Variants in CADPS2 observed in about 807,000 individuals in gnomAD.
CADPS2 encodes the protein calcium-dependent secretion activator 2.
CADPS2 carries 93 observed loss-of-function variants against 172.5 expected under a neutral mutation model. The observed-to-expected ratio is 0.54, with a 90% CI of 0.46 to 0.64. CADPS2 has a LOEUF of 0.64. CADPS2 is among the 30% of genes least tolerant of loss of function. The probability of loss-of-function intolerance (pLI) is 0.00; values close to 1 mark genes in which losing one functional copy is unlikely to be tolerated. For missense variants in CADPS2, 1,420 were observed against 1,565.9 expected (o/e 0.91, Z 1.57); for synonymous variants, 546 against 555.2 (o/e 0.98, Z 0.23).
At chr7:122,449,689 T>C (rs1212638962) in intron 15 of CADPS2, among the ~76,000 whole-genome samples, 2 of 152,204 alleles carry the variant, frequency 1.3e-5, no homozygotes, top group Non-Finnish European at 2.9e-5. Context: ...GTCTTCATTT[T>C]GTTTGTAAAC....
chr7:122,601,939 T>G (rs1368027740), intron 6 of CADPS2, among the ~76,000 whole-genome samples: 1 of 152,008 alleles, frequency 6.6e-6, no homozygotes, highest in South Asian at 2.1e-4. Flanking sequence ...AAATTATGAT[T>G]TTAAAAAACT....
rs7792420 is a variant in CADPS2, at chr7:122,492,257, T to C, written c.1543-837A>G. Among the ~76,000 whole-genome samples the C allele has an allele frequency of 3.8e-3, 586 of 152,264 alleles. 5 individuals are homozygous for C. The highest frequency in any genetic ancestry group is 0.013 in the African/African-American group (556 of 41,558). On this transcript the variant is annotated intron_variant, in intron 9 of 29. Coordinates refer to ENST00000449022, the MANE Select transcript of CADPS2 (RefSeq NM_017954.11). ...ATCTCACTAAAAGTTGAGAATTTAG[T>C]GGCCACATAATGAAAACCTCAGGCA...
chr7:122,683,224 T>C (rs1230455328), intron 2 of CADPS2, among the ~76,000 whole-genome samples: 1 of 152,224 alleles, frequency 6.6e-6, no homozygotes, highest in Non-Finnish European at 1.5e-5. Flanking sequence ...GCCACATCTA[T>C]CTGTAGTTTC....
At chr7:122,548,259 G>A (rs757268240) in intron 8 of CADPS2, among the ~76,000 whole-genome samples, 27 of 152,038 alleles carry the variant, frequency 1.8e-4, no homozygotes, top group Admixed American at 5.2e-4. Flanking sequence ...TGTGGTCCCA[G>A]CTACTCACGA....
chr7:122,705,761 A>T (rs1425600464), intron 2 of CADPS2, among the ~76,000 whole-genome samples: 1 of 4,096 alleles, frequency 2.4e-4, no homozygotes, highest in African/African-American at 5.4e-4. Flanking sequence ...TATAATATAT[A>T]ATATATGATA....
intron 2 of CADPS2, among the ~76,000 whole-genome samples, chr7:122,724,306 C>T (rs1270492661): frequency 1.3e-5 from 2 of 151,904 alleles, no homozygotes. Flanking sequence ...AGGGCAATAC[C>T]TGACTAGCAC....
chr7:122,752,109 T>C (rs549172907), intron 1 of CADPS2, among the ~76,000 whole-genome samples: 1 of 152,236 alleles, frequency 6.6e-6, no homozygotes, highest in South Asian at 2.1e-4. Context: ...TGAAAGATAA[T>C]CTAGGATGTG....
At chr7:122,320,422 T>C in intron 29 of CADPS2, 84 bp from the exon 30 acceptor site, 1 of 1,105,480 alleles carries the variant, frequency 9.0e-7, no homozygotes, top group African/African-American at 1.6e-5. Context: ...ATTTCAAAAA[T>C]GATCTTGGGG....
At chr7:122,557,500 T>C (rs1484130061) in intron 7 of CADPS2, among the ~76,000 whole-genome samples, 1 of 152,154 alleles carries the variant, frequency 6.6e-6, no homozygotes, top group Non-Finnish European at 1.5e-5. Flanking sequence ...CCTGTCCCTG[T>C]TCCGTTACTG....
intron 3 of CADPS2, among the ~76,000 whole-genome samples, chr7:122,662,587 G>A (rs371200552): frequency 6.6e-6 from 1 of 152,012 alleles, no homozygotes; most frequent in Non-Finnish European, 1.5e-5. Context: ...TGTTGCCCAC[G>A]ATGGTCTCAA....
intron 6 of CADPS2, among the ~76,000 whole-genome samples, chr7:122,587,620 G>T (rs943685541): frequency 1.3e-5 from 2 of 152,020 alleles, no homozygotes; most frequent in Non-Finnish European, 2.9e-5. Flanking sequence ...TATTCCTTTG[G>T]TATATACCCA....
intron 2 of CADPS2, among the ~76,000 whole-genome samples, chr7:122,710,277 T>C (rs1166922307): frequency 6.6e-6 from 1 of 151,978 alleles, no homozygotes; most frequent in Admixed American, 6.6e-5. Flanking sequence ...AATTCACAGA[T>C]CACAAAACCC....
chr7:122,811,797 C>T (rs1800081568), intron 1 of CADPS2, among the ~76,000 whole-genome samples: 1 of 151,998 alleles, frequency 6.6e-6, no homozygotes, highest in Admixed American at 6.6e-5. Flanking sequence ...TGATATCCTT[C>T]CCAGATAAAA....
At chr7:122,666,810 T>C (rs2081239917) in intron 2 of CADPS2, among the ~76,000 whole-genome samples, 1 of 152,180 alleles carries the variant, frequency 6.6e-6, no homozygotes, top group Admixed American at 6.5e-5. Flanking sequence ...CCATTCCCAC[T>C]GGCAGATTCC....
chr7:122,424,506 T>C (rs2048903733), intron 17 of CADPS2: 1 of 157,758 alleles, frequency 6.3e-6, no homozygotes, highest in Non-Finnish European at 1.4e-5. Context: ...GTCAGATACA[T>C]GTGAGGTAAA....
intron 1 of CADPS2, chr7:122,850,150 C>A (rs956564223): frequency 3.4e-6 from 4 of 1,160,488 alleles, no homozygotes; most frequent in Non-Finnish European, 4.6e-6. Context: ...CTGAACAGGG[C>A]GTATCTGTGG....
chr7:122,787,223 T>C (rs545354631), intron 1 of CADPS2, among the ~76,000 whole-genome samples: 23 of 152,272 alleles, frequency 1.5e-4, no homozygotes, highest in African/African-American at 5.5e-4. Context: ...AGTGCCTCTA[T>C]ACACCCCCAA....
At chr7:122,828,762 T>TC (rs1182707311) in intron 1 of CADPS2, among the ~76,000 whole-genome samples, 8 of 152,182 alleles carry the variant, frequency 5.3e-5, no homozygotes, top group Admixed American at 3.9e-4. Flanking sequence ...GACTGTTTTT[T>TC]CCCCTTTTAC....
chr7:122,607,459 G>A (rs1359478110), intron 6 of CADPS2, among the ~76,000 whole-genome samples: 2 of 152,022 alleles, frequency 1.3e-5, no homozygotes, highest in South Asian at 2.1e-4. Context: ...AAGTAATAAC[G>A]AAAACTATAA....
Sources: gnomAD v4.1 joint callset for allele counts (sites outside exome capture counted in the v4.1 genomes callset) on GRCh38, gnomAD v4.1.1 for gene constraint, MANE v1.5 for transcripts, NCBI Gene and HGNC (gene_info 2026-07-23, HGNC 2026-07-21) for gene names.